IFNAR2: variants seen among roughly 807,000 people sequenced by gnomAD.
IFNAR2 encodes the protein interferon alpha/beta receptor 2.
IFNAR2 carries 30 observed loss-of-function variants against 49.4 expected under a neutral mutation model. The observed-to-expected ratio is 0.61, with a 90% CI of 0.45 to 0.82. The LOEUF is 0.82. Among genes scored for constraint, IFNAR2 ranks in the 40% least tolerant of loss-of-function variants. The probability of loss-of-function intolerance (pLI) is 0.00; values close to 1 mark genes in which losing one functional copy is unlikely to be tolerated. For synonymous variants in IFNAR2, 224 were observed against 234.5 expected (o/e 0.96, Z 0.41); for missense variants, 600 against 622.7 (o/e 0.96, Z 0.39).
intron 7 of IFNAR2, 161 bp downstream of exon 7, chr21:33,252,991 A>G: frequency 1.5e-6 from 1 of 678,928 alleles, no homozygotes; most frequent in South Asian, 1.6e-5. Context: ...CGTGTGTATG[A>G]TCTGGTAGAG....
intron 1 of IFNAR2, among the ~76,000 whole-genome samples, chr21:33,233,950 A>G (rs1022478493): frequency 6.6e-6 from 1 of 152,120 alleles, no homozygotes; most frequent in Non-Finnish European, 1.5e-5. Context: ...AGGAAACATG[A>G]GAATACCAAT....
intron 1 of IFNAR2, chr21:33,234,717 T>G: frequency 2.0e-6 from 2 of 984,512 alleles, no homozygotes; most frequent in Admixed American, 6.1e-5. Flanking sequence ...TCTTTCAGAA[T>G]GGAGAAGGCC....
chr21:33,258,936 T>C (rs1988391579), intron 7 of IFNAR2, among the ~76,000 whole-genome samples: 1 of 152,152 alleles, frequency 6.6e-6, no homozygotes, highest in East Asian at 1.9e-4. Context: ...CTGGGCTGAT[T>C]ACTGCAGTCA....
At chr21:33,245,379 A>G (rs1987323566) in intron 4 of IFNAR2, among the ~76,000 whole-genome samples, 1 of 152,360 alleles carries the variant, frequency 6.6e-6, no homozygotes, top group Middle Eastern at 3.4e-3. Context: ...GGGTTAGGCA[A>G]TGATTTCTCT....
chr21:33,262,760 C>G (rs9984273), intron 8 of IFNAR2, 33 bp from the exon 9 acceptor site: 1 of 1,585,686 alleles, frequency 6.3e-7, no homozygotes, highest in Non-Finnish European at 8.6e-7. Flanking sequence ...ACAGCTGATA[C>G]GGACTCTCTC....
intron 5 of IFNAR2, among the ~76,000 whole-genome samples, chr21:33,248,226 G>A (rs1987582129): frequency 6.6e-6 from 1 of 151,930 alleles, no homozygotes; most frequent in African/African-American, 2.4e-5. Flanking sequence ...AATTATTAAG[G>A]CCAGGCACAG....
intron 6 of IFNAR2, chr21:33,251,577 A>T (rs982482535): frequency 6.1e-6 from 6 of 984,934 alleles, no homozygotes; most frequent in Non-Finnish European, 7.2e-6. Context: ...TTGTTTACTA[A>T]CTCCTCCTCC....
chr21:33,247,015 G>A (rs1987474001), intron 5 of IFNAR2, 125 bp downstream of exon 5: 2 of 703,838 alleles, frequency 2.8e-6, no homozygotes, highest in Admixed American at 2.8e-5. Flanking sequence ...TCTTGGCCCT[G>A]CCACTTCCTA....
chr21:33,235,944 AAAAAAT>A (rs1351218173), intron 1 of IFNAR2, among the ~76,000 whole-genome samples: 1 of 152,156 alleles, frequency 6.6e-6, no homozygotes, highest in Non-Finnish European at 1.5e-5. Context: ...AAAATAAAAT[AAAAAAT>A]AAAAATAAAA....
chr21:33,245,518 T>G (rs1987332923), intron 4 of IFNAR2, among the ~76,000 whole-genome samples: 1 of 152,258 alleles, frequency 6.6e-6, no homozygotes, highest in South Asian at 2.1e-4. Context: ...CTGCCTGGCC[T>G]AGTCTGGGAC....
chr21:33,231,789 T>A (rs1188835070), intron 1 of IFNAR2: 1 of 537,954 alleles, frequency 1.9e-6, no homozygotes, highest in Non-Finnish European at 2.4e-6. Flanking sequence ...TCGCGCAGGC[T>A]GGAGTGCAGT....
rs145226045 is a variant in IFNAR2, at chr21:33,242,454, C to T, written c.55+477C>T. 1.9e-3 allele frequency among the ~76,000 whole-genome samples: 285 copies of T among 152,070 alleles called. 1 individual carries two copies. Among genetic ancestry groups the T allele is most frequent in the Non-Finnish European group, 2.6e-4 (18 of 67,982 alleles). Reference sequence around the variant, plus strand: ...TGATGTTAAAGATCTCGTGTGTGTCCGGGCGCGGTGGCTCGCGCCTGTAAT... The same window carrying T: ...TGATGTTAAAGATCTCGTGTGTGTCTGGGCGCGGTGGCTCGCGCCTGTAAT... On this transcript the variant is annotated intron_variant, in intron 2 of 8. Coordinates refer to ENST00000342136, the MANE Select transcript of IFNAR2 (RefSeq NM_001289125.3).
chr21:33,250,388 A>G (rs1987757470), intron 6 of IFNAR2, among the ~76,000 whole-genome samples: 1 of 152,230 alleles, frequency 6.6e-6, no homozygotes, highest in African/African-American at 2.4e-5. Flanking sequence ...GTTAATAGGC[A>G]TCTTCTTCAT....
chr21:33,241,486 G>A (rs1329136856), intron 1 of IFNAR2, among the ~76,000 whole-genome samples: 1 of 152,220 alleles, frequency 6.6e-6, no homozygotes, highest in African/African-American at 2.4e-5. Context: ...AAAAAGCAGG[G>A]TGGAACAGGG....
At chr21:33,247,254 C>CTTTTTTTT (rs59707670) in intron 5 of IFNAR2, among the ~76,000 whole-genome samples, 92 of 91,474 alleles carry the variant, frequency 1.0e-3, no homozygotes, top group African/African-American at 2.2e-3. Context: ...TTCTTTCTTT[C>CTTTTTTTT]TTTTTTTTTT....
At chr21:33,249,285 A>C (rs1045596928) in intron 6 of IFNAR2, among the ~76,000 whole-genome samples, 8 of 148,708 alleles carry the variant, frequency 5.4e-5, no homozygotes, top group Non-Finnish European at 1.2e-4. Flanking sequence ...CAGAGGTTGC[A>C]GTGAGCCGAG....
At chr21:33,247,022 C>T (rs1027412323) in intron 5 of IFNAR2, 132 bp downstream of exon 5, 2 of 663,778 alleles carry the variant, frequency 3.0e-6, no homozygotes, top group Non-Finnish European at 5.2e-6. Context: ...CCTGCCACTT[C>T]CTAGCTCTGT....
intron 1 of IFNAR2, chr21:33,236,930 C>T (rs539307540): frequency 1.4e-5 from 14 of 967,770 alleles, no homozygotes; most frequent in Non-Finnish European, 1.6e-5. Context: ...TAAGGAGCTC[C>T]ATTAACAATT....
intron 6 of IFNAR2, among the ~76,000 whole-genome samples, chr21:33,249,995 TG>T (rs1373207694): frequency 6.6e-6 from 1 of 152,080 alleles, no homozygotes; most frequent in African/African-American, 2.4e-5. Context: ...TGGAAGCCTG[TG>T]GAACCCAAGG....
Sources: allele counts gnomAD v4.1 joint callset (sites outside exome capture counted in the v4.1 genomes callset), GRCh38; gene constraint gnomAD v4.1.1; transcripts MANE v1.5; gene names NCBI Gene and HGNC (gene_info 2026-07-23, HGNC 2026-07-21).